ITPK1: variants seen among roughly 807,000 people sequenced by gnomAD.
ITPK1 encodes the protein inositol-tetrakisphosphate 1-kinase.
In ITPK1, 21 loss-of-function variants were observed where a neutral mutation model predicts 45.3. That is an observed-to-expected ratio of 0.46 (90% CI 0.33 to 0.67). The LOEUF (loss-of-function observed/expected upper bound fraction) is 0.67. Ranked by LOEUF, ITPK1 falls within the 30% of genes least tolerant of loss-of-function variation. The probability of loss-of-function intolerance (pLI) is 0.02; values close to 1 mark genes in which losing one functional copy is unlikely to be tolerated. For synonymous variants in ITPK1, 258 were observed against 253.6 expected, an observed-to-expected ratio of 1.02 and a Z score of -0.16; for missense variants, 474 against 573.5, an observed-to-expected ratio of 0.83 and a Z score of 1.77.
At chr14:93,094,120 C>A (rs1891972975) in intron 2 of ITPK1, among the ~76,000 whole-genome samples, 1 of 152,226 alleles carries the variant, frequency 6.6e-6, no homozygotes, top group Admixed American at 6.5e-5. Context: ...GGTTAGTTAA[C>A]CTCTGTGAGG....
At chr14:92,970,650 T>C (rs1357624797) in intron 5 of ITPK1, among the ~76,000 whole-genome samples, 1 of 151,928 alleles carries the variant, frequency 6.6e-6, no homozygotes, top group East Asian at 1.9e-4. Flanking sequence ...TTTTTTTTTT[T>C]TTTGAGACGG....
chr14:93,060,932 A>AGG (rs1056630058), intron 3 of ITPK1, among the ~76,000 whole-genome samples: 1 of 152,222 alleles, frequency 6.6e-6, no homozygotes, highest in Non-Finnish European at 1.5e-5. Flanking sequence ...TCCAAGGCAG[A>AGG]GGGGGACACA....
In ITPK1 at chr14:92,940,566, G is replaced by C; in HGVS notation, c.*995C>G. 1 of 1,182,896 alleles carries C rather than the reference G, an allele frequency of 8.5e-7. No homozygotes were observed. Among genetic ancestry groups the C allele is most frequent in the Non-Finnish European group, 1.1e-6 (1 of 938,162 alleles). 73.3% of individuals were successfully genotyped at this position (1,182,896 alleles called of 1,614,324 possible). A position where few individuals can be genotyped will look rare whatever the true frequency, so the allele number is the denominator to read the frequency against. On this transcript the variant is annotated 3_prime_UTR_variant, in exon 11 of 11. Coordinates refer to ENST00000267615, the MANE Select transcript of ITPK1 (RefSeq NM_014216.6). ...GGTGTGAAAAGGAGTGAACCCACTG[G>C]GAAGAGGGCCCCGATCTCCATGGTG...
chr14:92,952,548 A>G (rs1888008333), intron 8 of ITPK1, among the ~76,000 whole-genome samples: 1 of 152,218 alleles, frequency 6.6e-6, no homozygotes, highest in South Asian at 2.1e-4. Flanking sequence ...GGAAAAAAAT[A>G]GGAAATCAGA....
At chr14:92,942,619 G>C (rs1274471817) in intron 10 of ITPK1, among the ~76,000 whole-genome samples, 2 of 152,200 alleles carry the variant, frequency 1.3e-5, no homozygotes, top group African/African-American at 4.8e-5. Flanking sequence ...CAACATCCAG[G>C]CCTGAGACAA....
chr14:92,941,933 G>A lies in ITPK1; in HGVS notation c.902-29C>T, dbSNP rs751912627. ...GGGGTGGGAGAGAGACAGCACAAGG[G>A]GCGTGAGCCAGGGGCACGCATCATG... is the stretch of plus-strand genomic sequence containing the variant. On this transcript the variant is annotated intron_variant, in intron 10 of 10. Transcript: ENST00000267615. 4 of 1,598,948 alleles carry A rather than the reference G, an allele frequency of 2.5e-6. No homozygotes were observed. In the South Asian group the frequency reaches 4.5e-5, roughly 18 times the overall value.
intron 4 of ITPK1, among the ~76,000 whole-genome samples, chr14:93,005,227 G>A (rs1485629889): frequency 6.6e-6 from 1 of 152,144 alleles, no homozygotes; most frequent in East Asian, 1.9e-4. Flanking sequence ...AGGAAGAACT[G>A]ATGGGCTGCC....
chr14:93,079,484 C>A (rs541707986), intron 2 of ITPK1, among the ~76,000 whole-genome samples: 1 of 152,208 alleles, frequency 6.6e-6, no homozygotes, highest in Non-Finnish European at 1.5e-5. Flanking sequence ...CCCACACCCA[C>A]GTGTTCACCA....
chr14:93,030,073 T>C (rs1163038413), intron 3 of ITPK1, among the ~76,000 whole-genome samples: 1 of 152,196 alleles, frequency 6.6e-6, no homozygotes, highest in Non-Finnish European at 1.5e-5. Context: ...CCCTCCCAGA[T>C]GGCAAGCACG....
intron 2 of ITPK1, among the ~76,000 whole-genome samples, chr14:93,113,625 T>C (rs1474102874): frequency 2.6e-5 from 4 of 152,120 alleles, no homozygotes; most frequent in African/African-American, 4.8e-5. Flanking sequence ...GTATCCGCGG[T>C]ACAACGTTCA....
At chr14:92,983,996 A>G (rs1025577391) in intron 5 of ITPK1, among the ~76,000 whole-genome samples, 4 of 152,238 alleles carry the variant, frequency 2.6e-5, no homozygotes, top group Non-Finnish European at 5.9e-5. Context: ...CAGTGGGGAC[A>G]AAGAGCTGTA....
At chr14:93,057,406 A>G (rs1176459891) in intron 3 of ITPK1, among the ~76,000 whole-genome samples, 1 of 152,190 alleles carries the variant, frequency 6.6e-6, no homozygotes, top group Non-Finnish European at 1.5e-5. Flanking sequence ...TCACTCACAC[A>G]TTCACTCACT....
chr14:93,004,580 A>G (rs1887516466), intron 4 of ITPK1, among the ~76,000 whole-genome samples: 1 of 151,176 alleles, frequency 6.6e-6, no homozygotes, highest in Non-Finnish European at 1.5e-5. Flanking sequence ...GTGAGAGCAT[A>G]TGTGTGTGTG....
chr14:93,001,574 C>A (rs1887357796), intron 4 of ITPK1, among the ~76,000 whole-genome samples: 2 of 152,122 alleles, frequency 1.3e-5, no homozygotes, highest in African/African-American at 4.8e-5. Context: ...CCCAGCGTGC[C>A]ACACCCAGAG....
chr14:93,009,102 C>G (rs1887762936), intron 4 of ITPK1, among the ~76,000 whole-genome samples: 1 of 152,096 alleles, frequency 6.6e-6, no homozygotes, highest in Admixed American at 6.6e-5. Context: ...GTGCTGTTGG[C>G]ATCTGGTAAT....
chr14:93,048,599 TG>T (rs1452790492), intron 3 of ITPK1, among the ~76,000 whole-genome samples: 1 of 152,150 alleles, frequency 6.6e-6, no homozygotes, highest in Non-Finnish European at 1.5e-5. Flanking sequence ...ACAAAATATC[TG>T]GAAGCGGGGA....
intron 2 of ITPK1, among the ~76,000 whole-genome samples, chr14:93,089,892 A>C (rs1174925071): frequency 2.6e-5 from 4 of 152,188 alleles, no homozygotes; most frequent in African/African-American, 7.2e-5. Context: ...CAAAGCCAAG[A>C]GCCAGGACCC....
At chr14:93,033,288 G>A (rs1250300804) in intron 3 of ITPK1, among the ~76,000 whole-genome samples, 1 of 152,256 alleles carries the variant, frequency 6.6e-6, no homozygotes, top group African/African-American at 2.4e-5. Context: ...TGGCACAGCA[G>A]TGCCTCAGGG....
intron 3 of ITPK1, among the ~76,000 whole-genome samples, chr14:93,039,606 G>T (rs1397931271): frequency 6.6e-6 from 1 of 152,234 alleles, no homozygotes; most frequent in Non-Finnish European, 1.5e-5. Flanking sequence ...GCTGCTCGCA[G>T]ATCTGACTGG....
Sources: gnomAD v4.1 joint callset for allele counts (sites outside exome capture counted in the v4.1 genomes callset) on GRCh38, gnomAD v4.1.1 for gene constraint, MANE v1.5 for transcripts, NCBI Gene and HGNC (gene_info 2026-07-23, HGNC 2026-07-21) for gene names.